The following SLC35F3 variants were observed in gnomAD, a reference collection of about 807,000 sequenced individuals.
The protein encoded by SLC35F3 is putative thiamine transporter SLC35F3.
A neutral mutation model predicts 49.9 loss-of-function variants in SLC35F3; 25 were observed. The ratio of observed to expected loss-of-function variants is 0.50; its 90% CI spans 0.37 to 0.70. The LOEUF is 0.70. SLC35F3 is among the 30% of genes least tolerant of loss of function. The pLI is 0.00. For missense variants in SLC35F3, 525 were observed against 639.8 expected (o/e 0.82, Z 1.94); for synonymous variants, 275 against 265.4 (o/e 1.04, Z -0.35).
At chr1:234,289,125 C>T (rs1001903779) in intron 3 of SLC35F3, among the ~76,000 whole-genome samples, 13 of 152,174 alleles carry the variant, frequency 8.5e-5, no homozygotes, top group African/African-American at 2.4e-4. Context: ...TGTCCAATGA[C>T]GTCATGGCAT....
intron 2 of SLC35F3, among the ~76,000 whole-genome samples, chr1:234,161,097 C>A (rs781671836): frequency 1.3e-5 from 2 of 152,210 alleles, no homozygotes; most frequent in Non-Finnish European, 2.9e-5. Flanking sequence ...TCAGCACTCA[C>A]CTTCCACTCA....
At chr1:234,277,179 A>G (rs1157931652) in intron 3 of SLC35F3, among the ~76,000 whole-genome samples, 1 of 152,196 alleles carries the variant, frequency 6.6e-6, no homozygotes, top group Non-Finnish European at 1.5e-5. Context: ...GAGAAACTAA[A>G]TCCAGCTACC....
chr1:234,153,154 G>T lies in SLC35F3; in HGVS notation c.284-78263G>T, dbSNP rs545485868. 2.0e-5 allele frequency among the ~76,000 whole-genome samples: 3 copies of T among 152,276 alleles called. No individual in the cohort carries two copies. In the East Asian group the frequency reaches 5.8e-4, roughly 29 times the overall value. On this transcript the variant is annotated intron_variant, in intron 2 of 7. Transcript: ENST00000366618. ...AACATGCAAAAACTCAAGGAATATT[G>T]TTCTCATGAACACTTCCTAAAGAAT...
At chr1:234,270,327 A>G (rs1036315332) in intron 3 of SLC35F3, among the ~76,000 whole-genome samples, 16 of 152,186 alleles carry the variant, frequency 1.1e-4, no homozygotes, top group African/African-American at 3.9e-4. Context: ...TCCTGGCTTC[A>G]GAAAGGGAAG....
At chr1:233,926,533 CTAATG>C (rs1047749760) in intron 2 of SLC35F3, among the ~76,000 whole-genome samples, 7 of 152,212 alleles carry the variant, frequency 4.6e-5, no homozygotes, top group Admixed American at 6.5e-5. Flanking sequence ...AGCCATTCAT[CTAATG>C]TTTTTTCAAG....
At chr1:234,103,362 A>G (rs1415108674) in intron 2 of SLC35F3, among the ~76,000 whole-genome samples, 2 of 151,722 alleles carry the variant, frequency 1.3e-5, no homozygotes, top group Non-Finnish European at 2.9e-5. Flanking sequence ...CTGGCCTTCA[A>G]GGCCACCCTC....
At chr1:234,254,426 G>C (rs594929) in intron 3 of SLC35F3, among the ~76,000 whole-genome samples, 1 of 152,068 alleles carries the variant, frequency 6.6e-6, no homozygotes, top group African/African-American at 2.4e-5. Flanking sequence ...TCAAACCATC[G>C]GAGAGAAATG....
At position 234,231,522 on chromosome 1, in the gene SLC35F3, C is replaced by A; in HGVS notation, c.389C>A (p.Ala130Glu). The A allele has an allele frequency of 6.2e-7, 1 of 1,613,920 alleles. No individual in the cohort carries two copies. Residue 130 changes from alanine (A) to glutamate (E), a missense_variant, in exon 3 of 8, where the codon GCG becomes GAG. By Grantham distance (107) the Ala-to-Glu change is moderately radical (BLOSUM62 -1). Around this residue, in one of 4 missense-constraint regions of SLC35F3, gnomAD observed 228 missense variants for 218.9 expected, o/e 1.04. Transcript: ENST00000366618. The surrounding 1 kb of genome is among the most constrained non-coding windows in gnomAD (Gnocchi z 5.4). The stretch of plus-strand genomic sequence containing the variant: ...CGCCGCTGCTGGACGTGCTCCCGGG[C>A]GCAACTCAAGAAGATCTTCTGGGGC... Reference protein sequence around the residue: ...ASRRCWTCSRAQLKKIFWGVA... With the variant: ...ASRRCWTCSREQLKKIFWGVA...
chr1:234,041,022 C>T (rs998710584), intron 2 of SLC35F3, among the ~76,000 whole-genome samples: 1 of 152,178 alleles, frequency 6.6e-6, no homozygotes, highest in South Asian at 2.1e-4. Context: ...GGTAGAAACA[C>T]ATGTGCTATC....
intron 2 of SLC35F3, among the ~76,000 whole-genome samples, chr1:234,129,121 G>A (rs1167403796): frequency 2.0e-5 from 3 of 151,814 alleles, no homozygotes; most frequent in Non-Finnish European, 4.4e-5. Flanking sequence ...AGGCAAGCTA[G>A]AAGAAGGCAA....
intron 2 of SLC35F3, among the ~76,000 whole-genome samples, chr1:234,128,669 A>G (rs1665685780): frequency 6.6e-6 from 1 of 152,264 alleles, no homozygotes. Context: ...AAAGAGCTTA[A>G]GAAAAGGCAT....
chr1:234,217,629 C>T (rs551617208), intron 2 of SLC35F3, among the ~76,000 whole-genome samples: 2 of 151,138 alleles, frequency 1.3e-5, no homozygotes, highest in South Asian at 2.1e-4. Context: ...GAGAAGGAGG[C>T]CTTTCTAAGA....
At chr1:233,942,487 T>A (rs1334477463) in intron 2 of SLC35F3, among the ~76,000 whole-genome samples, 1 of 152,146 alleles carries the variant, frequency 6.6e-6, no homozygotes, top group African/African-American at 2.4e-5. Context: ...GATGGCACAA[T>A]CATGGCTCAC....
intron 3 of SLC35F3, among the ~76,000 whole-genome samples, chr1:234,269,449 C>A (rs1183953784): frequency 6.6e-6 from 1 of 152,136 alleles, no homozygotes. Context: ...GACAAAAGTA[C>A]CTATTTTGGT....
intron 2 of SLC35F3, among the ~76,000 whole-genome samples, chr1:234,023,288 G>A (rs1663926699): frequency 6.6e-6 from 1 of 152,194 alleles, no homozygotes; most frequent in South Asian, 2.1e-4. Flanking sequence ...ATACAGATAA[G>A]CCTGGAGTAT....
chr1:234,014,940 T>G (rs1309260451), intron 2 of SLC35F3, among the ~76,000 whole-genome samples: 2 of 152,176 alleles, frequency 1.3e-5, no homozygotes, highest in Admixed American at 6.5e-5. Flanking sequence ...CTTATCAAAA[T>G]TTCAGTAACA....
intron 3 of SLC35F3, among the ~76,000 whole-genome samples, chr1:234,280,632 C>T (rs1294979882): frequency 6.6e-6 from 1 of 152,132 alleles, no homozygotes; most frequent in Non-Finnish European, 1.5e-5. Context: ...GGATGATTCT[C>T]CCAAGGTCAA....
chr1:234,127,100 A>G (rs1429212247), intron 2 of SLC35F3, among the ~76,000 whole-genome samples: 2 of 152,170 alleles, frequency 1.3e-5, no homozygotes, highest in Non-Finnish European at 2.9e-5. Context: ...CTGGAGAATC[A>G]TCCATTTCGT....
At chr1:234,258,672 A>C (rs1486322732) in intron 3 of SLC35F3, among the ~76,000 whole-genome samples, 1 of 152,250 alleles carries the variant, frequency 6.6e-6, no homozygotes, top group African/African-American at 2.4e-5. Flanking sequence ...ATCTTGGCCT[A>C]TGCCCAGGAA....
Sources: gnomAD v4.1 joint callset for allele counts (sites outside exome capture counted in the v4.1 genomes callset) on GRCh38, gnomAD v4.1.1 for gene constraint, gnomAD v4.1.1 regional missense constraint, Gnocchi (gnomAD v3.1) non-coding constraint, MANE v1.5 for transcripts, NCBI Gene and HGNC (gene_info 2026-07-23, HGNC 2026-07-21) for gene names.